Variants in PRKAG2 observed in about 807,000 individuals in gnomAD.
PRKAG2 encodes the protein 5'-AMP-activated protein kinase subunit gamma-2.
Under a neutral mutation model 69.6 loss-of-function variants are expected in PRKAG2, and 26 were observed. That is an observed-to-expected ratio of 0.37 (90% CI 0.27 to 0.52). The LOEUF (loss-of-function observed/expected upper bound fraction) is 0.52. PRKAG2 is among the 20% of genes least tolerant of loss of function. The pLI, the probability that PRKAG2 is intolerant of heterozygous loss-of-function variation, is 0.90. For synonymous variants in PRKAG2, 293 were observed against 285.0 expected, an observed-to-expected ratio of 1.03 and a Z score of -0.28; for missense variants, 557 against 740.0, an observed-to-expected ratio of 0.75 and a Z score of 2.87.
intron 3 of PRKAG2, among the ~76,000 whole-genome samples, chr7:151,722,030 C>T (rs1252508721): frequency 1.3e-5 from 2 of 152,180 alleles, no homozygotes; most frequent in Non-Finnish European, 2.9e-5. Context: ...GGCATTCTGT[C>T]TTGTGGGTGA....
intron 1 of PRKAG2, among the ~76,000 whole-genome samples, chr7:151,861,848 C>T (rs573439268): frequency 3.6e-4 from 55 of 152,128 alleles, no homozygotes; most frequent in African/African-American, 1.3e-3. Context: ...ATCATTGACA[C>T]CGGGGTTGCG....
At chr7:151,731,712 G>C (rs1165074004) in intron 3 of PRKAG2, among the ~76,000 whole-genome samples, 1 of 152,204 alleles carries the variant, frequency 6.6e-6, no homozygotes, top group African/African-American at 2.4e-5. Flanking sequence ...AGGAAACCCA[G>C]TGGATGGGAG....
rs545782384 is a variant in PRKAG2, at chr7:151,725,166, T to C, written c.467-49529A>G. Among the ~76,000 whole-genome samples the C allele has an allele frequency of 2.6e-5, 4 of 152,016 alleles. No homozygotes were observed. The South Asian group carries it at 8.4e-4, about 32-fold the overall frequency. On this transcript the variant is annotated intron_variant, in intron 3 of 15. Coordinates refer to ENST00000287878, the MANE Select transcript of PRKAG2 (RefSeq NM_016203.4). ...CGTGTCCATCGACGCATGAACAAAA[T>C]GGGGTCCACATGCACAGCAGAATAT...
intron 5 of PRKAG2, among the ~76,000 whole-genome samples, chr7:151,630,689 A>T (rs1334977561): frequency 6.6e-6 from 1 of 151,198 alleles, no homozygotes. Context: ...ATTCTTACTA[A>T]TATAAGAGAC....
chr7:151,637,816 T>C (rs1825990386), intron 4 of PRKAG2, among the ~76,000 whole-genome samples: 1 of 152,126 alleles, frequency 6.6e-6, no homozygotes, highest in Admixed American at 6.5e-5. Context: ...GACGAATTTG[T>C]CAGCACACAG....
chr7:151,571,315 C>T (rs1403356515), intron 9 of PRKAG2, among the ~76,000 whole-genome samples: 6 of 152,092 alleles, frequency 3.9e-5, no homozygotes, highest in Non-Finnish European at 8.8e-5. Flanking sequence ...TCAGGTGATC[C>T]ACCCGCCTCG....
chr7:151,823,653 C>T (rs562877610), intron 1 of PRKAG2, among the ~76,000 whole-genome samples: 1 of 152,128 alleles, frequency 6.6e-6, no homozygotes, highest in African/African-American at 2.4e-5. Context: ...TAGGGAGAGA[C>T]GTGGGAAGAG....
intron 15 of PRKAG2, chr7:151,558,867 C>T: frequency 1.0e-6 from 1 of 985,436 alleles, no homozygotes; most frequent in South Asian, 4.7e-5. Context: ...TCATCCAGCA[C>T]AACCGTTCAT....
chr7:151,832,720 T>C (rs774127716), intron 1 of PRKAG2, among the ~76,000 whole-genome samples: 10 of 151,894 alleles, frequency 6.6e-5, no homozygotes, highest in Non-Finnish European at 1.2e-4. Flanking sequence ...CTCCAGGTGC[T>C]ACCTGGGACT....
At chr7:151,810,538 C>T (rs2151852038) in intron 1 of PRKAG2, 1 of 152,438 alleles carries the variant, frequency 6.6e-6, no homozygotes, top group South Asian at 2.1e-4. Flanking sequence ...AGGGCCCACC[C>T]TGGGCTGCCT....
chr7:151,574,019 T>C (rs1808319615), intron 8 of PRKAG2, among the ~76,000 whole-genome samples: 1 of 152,164 alleles, frequency 6.6e-6, no homozygotes. Context: ...CCTCAAGTGA[T>C]CCACTTACTT....
chr7:151,767,863 T>C (rs1280876699), intron 3 of PRKAG2, among the ~76,000 whole-genome samples: 2 of 152,222 alleles, frequency 1.3e-5, no homozygotes, highest in African/African-American at 2.4e-5. Context: ...TTATTCTGAT[T>C]ATGGAGCCAG....
intron 3 of PRKAG2, among the ~76,000 whole-genome samples, chr7:151,739,952 A>C (rs2073757316): frequency 6.6e-6 from 1 of 152,080 alleles, no homozygotes; most frequent in Non-Finnish European, 1.5e-5. Flanking sequence ...CTCCTTTGAA[A>C]GATTTTAGCT....
chr7:151,795,889 AT>A lies in PRKAG2; in HGVS notation c.115-9349del, dbSNP rs1563689865. ...TATATATATATATATATATATATATATCACGATAATATGTATATGTAATCAT... is the reference window on the plus strand; with the variant it reads ...TATATATATATATATATATATATATACACGATAATATGTATATGTAATCAT... On this transcript the variant is annotated intron_variant, in intron 1 of 15. Transcript: ENST00000287878. 1.8e-3 allele frequency among the ~76,000 whole-genome samples: 187 copies of A among 105,136 alleles called. 1 individual carries two copies. The highest frequency in any genetic ancestry group is 0.015 in the Middle Eastern group (3 of 206). The allele number at this position is 105,136 out of a possible 152,430, so 69.0% of individuals were successfully genotyped here.
At chr7:151,800,150 G>C (rs191193885) in intron 1 of PRKAG2, among the ~76,000 whole-genome samples, 7 of 152,066 alleles carry the variant, frequency 4.6e-5, no homozygotes, top group African/African-American at 7.2e-5. Context: ...GAGGTCAGGA[G>C]ATCGAGACCA....
chr7:151,618,425 C>T (rs866199303), intron 5 of PRKAG2, among the ~76,000 whole-genome samples: 1 of 150,296 alleles, frequency 6.7e-6, no homozygotes, highest in African/African-American at 2.5e-5. Flanking sequence ...TGCACTCTAG[C>T]CTGGGCAATA....
intron 1 of PRKAG2, among the ~76,000 whole-genome samples, chr7:151,864,027 A>G (rs60647737): frequency 0.013 from 1,936 of 152,310 alleles, 40 homozygotes; most frequent in African/African-American, 0.044. Context: ...GCCTTTCCTG[A>G]GAACTGATAT....
intron 1 of PRKAG2, among the ~76,000 whole-genome samples, chr7:151,838,785 C>G (rs945603478): frequency 1.8e-4 from 27 of 151,242 alleles, no homozygotes; most frequent in African/African-American, 6.6e-4. Flanking sequence ...GCGGCTGAGA[C>G]AGGCAGACCC....
chr7:151,669,027 C>T (rs947690488), intron 4 of PRKAG2, among the ~76,000 whole-genome samples: 3 of 152,210 alleles, frequency 2.0e-5, no homozygotes, highest in Non-Finnish European at 4.4e-5. Context: ...CCAAGACAAA[C>T]GTCTCCATCG....
Sources: gnomAD v4.1 joint callset for allele counts (sites outside exome capture counted in the v4.1 genomes callset) on GRCh38, gnomAD v4.1.1 for gene constraint, MANE v1.5 for transcripts, NCBI Gene and HGNC (gene_info 2026-07-23, HGNC 2026-07-21) for gene names.